PIGL: variants seen among roughly 807,000 people sequenced by gnomAD.
PIGL encodes the protein N-acetylglucosaminyl-phosphatidylinositol de-N-acetylase.
In PIGL, 22 loss-of-function variants were observed where a neutral mutation model predicts 31.1. The observed-to-expected ratio is 0.71, with a 90% CI of 0.51 to 1.01. The LOEUF (loss-of-function observed/expected upper bound fraction) is 1.01, where lower values mean the gene tolerates loss of function less well. PIGL is among the 50% of genes least tolerant of loss of function. PIGL has a pLI of 0.00. For missense variants in PIGL, 302 were observed against 315.9 expected (o/e 0.96, Z 0.33); for synonymous variants, 131 against 117.4 (o/e 1.12, Z -0.75).
chr17:16,238,520 C>T (rs2092709223), intron 2 of PIGL, among the ~76,000 whole-genome samples: 1 of 146,476 alleles, frequency 6.8e-6, no homozygotes, highest in Non-Finnish European at 1.5e-5. Flanking sequence ...ACTGCAACCT[C>T]CTCCTCCTGT....
chr17:16,296,110 A>G (rs939492174), intron 2 of PIGL, among the ~76,000 whole-genome samples: 1 of 152,210 alleles, frequency 6.6e-6, no homozygotes, highest in Non-Finnish European at 1.5e-5. Flanking sequence ...AACTGTGTAC[A>G]TGTTAAACCC....
intron 2 of PIGL, among the ~76,000 whole-genome samples, chr17:16,262,138 A>T (rs1191734929): frequency 6.6e-6 from 1 of 152,044 alleles, no homozygotes; most frequent in African/African-American, 2.4e-5. Context: ...CGGGAGAATC[A>T]CTTGAACCCG....
intron 1 of PIGL, among the ~76,000 whole-genome samples, chr17:16,220,925 G>A (rs1234473013): frequency 4.6e-5 from 7 of 152,192 alleles, no homozygotes; most frequent in Non-Finnish European, 1.0e-4. Flanking sequence ...GAGCCACTGA[G>A]CATGGCCTGT....
chr17:16,238,668 T>C lies in PIGL; in HGVS notation c.335+4598T>C, dbSNP rs545387829. On this transcript the variant is annotated intron_variant, in intron 2 of 6. Coordinates refer to ENST00000225609, the MANE Select transcript of PIGL (RefSeq NM_004278.4). ...ACTCACACCTGTAATCCCAGCACTT[T>C]GGGAGGCCGAGGCAGGAGGATCATG... 2.3e-4 allele frequency among the ~76,000 whole-genome samples: 35 copies of C among 150,646 alleles called. 1 individual carries two copies. Among genetic ancestry groups the C allele is most frequent in the African/African-American group, 7.0e-4 (29 of 41,160 alleles).
chr17:16,217,214 C>A lies in PIGL; in HGVS notation c.-13C>A. 6.2e-7 allele frequency: 1 copy of A among 1,610,154 alleles called. No individual in the cohort carries two copies. The highest frequency in any genetic ancestry group is 8.5e-7 in the Non-Finnish European group (1 of 1,176,474). On this transcript the variant is annotated 5_prime_UTR_variant, in exon 1 of 7. It adds an upstream start codon to the 5' untranslated region. Coordinates refer to ENST00000225609, the MANE Select transcript of PIGL (RefSeq NM_004278.4). ...CCTTTCCTACTGCGCAGGCTCAGTG[C>A]TGCTTACCCATCATGGAAGCAATGT...
At chr17:16,273,389 G>A (rs1478769190) in intron 2 of PIGL, among the ~76,000 whole-genome samples, 1 of 152,224 alleles carries the variant, frequency 6.6e-6, no homozygotes, top group African/African-American at 2.4e-5. Flanking sequence ...AGATCACAAA[G>A]ACCATGTGTC....
intron 2 of PIGL, among the ~76,000 whole-genome samples, chr17:16,255,062 C>G (rs922669567): frequency 1.3e-5 from 2 of 152,192 alleles, no homozygotes; most frequent in African/African-American, 4.8e-5. Flanking sequence ...TCTAAGAACT[C>G]GAATGATGCC....
rs1224305690 is a variant in PIGL at position 16,232,946 on chromosome 17, CATCTCAA to C, written c.236-1022_236-1016del. Among the ~76,000 whole-genome samples the C allele has an allele frequency of 1.1e-3, 161 of 152,050 alleles. 1 individual carries two copies. Among genetic ancestry groups the C allele is most frequent in the Non-Finnish European group, 1.8e-3 (125 of 67,980 alleles). On this transcript the variant is annotated intron_variant, in intron 1 of 6. Coordinates refer to ENST00000225609, the MANE Select transcript of PIGL (RefSeq NM_004278.4). ...CAGCCTGTCCAACATGGTGAAACCC[CATCTCAA>C]ATAAAAATACAAAAATTAGCCCGGT...
intron 2 of PIGL, among the ~76,000 whole-genome samples, chr17:16,275,914 CTCAA>C (rs1161442470): frequency 2.0e-5 from 3 of 152,062 alleles, no homozygotes; most frequent in Non-Finnish European, 4.4e-5. Flanking sequence ...ATCACAGCTA[CTCAA>C]GAGGCTGCGG....
chr17:16,299,485 A>G (rs1017386110), intron 2 of PIGL, among the ~76,000 whole-genome samples: 4 of 152,182 alleles, frequency 2.6e-5, no homozygotes, highest in African/African-American at 9.7e-5. Context: ...ACCTCTGTCA[A>G]AAGATGTTCA....
chr17:16,271,571 G>A (rs1054773128), intron 2 of PIGL, among the ~76,000 whole-genome samples: 1 of 149,754 alleles, frequency 6.7e-6, no homozygotes, highest in Non-Finnish European at 1.5e-5. Context: ...TTGCTCTGTC[G>A]CCCATGCTGG....
chr17:16,310,921 G>A (rs2142857283), intron 3 of PIGL, among the ~76,000 whole-genome samples: 1 of 152,320 alleles, frequency 6.6e-6, no homozygotes, highest in Admixed American at 6.5e-5. Context: ...ACCACTCAGT[G>A]GCAAGGTGAT....
intron 1 of PIGL, among the ~76,000 whole-genome samples, chr17:16,220,490 T>A (rs1310627141): frequency 0.019 from 2,662 of 139,214 alleles, 116 homozygotes; most frequent in East Asian, 0.048. Flanking sequence ...ATTTTTTTTT[T>A]TTTTTTTTTT....
intron 1 of PIGL, among the ~76,000 whole-genome samples, chr17:16,228,589 C>A (rs1052155660): frequency 7.3e-5 from 11 of 151,208 alleles, no homozygotes; most frequent in Admixed American, 1.3e-4. Flanking sequence ...GGGGTTTCAC[C>A]GTGTTAGCCA....
chr17:16,261,248 C>A (rs2092818153), intron 2 of PIGL, among the ~76,000 whole-genome samples: 1 of 152,100 alleles, frequency 6.6e-6, no homozygotes, highest in Non-Finnish European at 1.5e-5. Context: ...TGTTGCGTTG[C>A]CTGCTGGGCT....
intron 1 of PIGL, among the ~76,000 whole-genome samples, chr17:16,219,032 A>G (rs2092612923): frequency 6.9e-6 from 1 of 145,768 alleles, no homozygotes; most frequent in African/African-American, 2.6e-5. Context: ...TTAATATACT[A>G]CTTTCTGTAG....
chr17:16,255,448 AC>A (rs1470853087), intron 2 of PIGL, among the ~76,000 whole-genome samples: 1 of 152,228 alleles, frequency 6.6e-6, no homozygotes, highest in African/African-American at 2.4e-5. Context: ...TTTAAGCTGA[AC>A]AAGGAAATAT....
rs761331904 is a variant in PIGL, at chr17:16,325,839, C to T, written c.700C>T (p.Arg234Cys). Reference protein sequence around the residue: ...SCHRSQLLWFRRLYIIFSRYM... With the variant: ...SCHRSQLLWFCRLYIIFSRYM... ...CCACCGCAGCCAGCTCCTCTGGTTC[C>T]GCCGCCTCTACATTATCTTCTCCCG... Residue 234 changes from arginine (R) to cysteine (C), a missense_variant, in exon 7 of 7, where the codon CGC becomes TGC. By Grantham distance (180) the Arg-to-Cys change is radical. Coordinates refer to ENST00000225609, the MANE Select transcript of PIGL (RefSeq NM_004278.4). The T allele has an allele frequency of 2.1e-5, 34 of 1,613,846 alleles. 1 individual carries two copies. The highest frequency in any genetic ancestry group is 1.6e-4 in the Middle Eastern group (1 of 6,078).
chr17:16,285,658 G>A (rs1009683447), intron 2 of PIGL, among the ~76,000 whole-genome samples: 1 of 152,120 alleles, frequency 6.6e-6, no homozygotes, highest in Non-Finnish European at 1.5e-5. Context: ...GTCTGTCTGG[G>A]CTCCTAAGCT....
Sources: allele counts gnomAD v4.1 joint callset (sites outside exome capture counted in the v4.1 genomes callset), GRCh38; gene constraint gnomAD v4.1.1; transcripts MANE v1.5; gene names NCBI Gene and HGNC (gene_info 2026-07-23, HGNC 2026-07-21).